The following SEMA3A variants were observed in gnomAD, a reference collection of about 807,000 sequenced individuals.
SEMA3A encodes the protein semaphorin 3A.
A neutral mutation model predicts 97.9 loss-of-function variants in SEMA3A; 29 were observed. That is an observed-to-expected ratio of 0.30 (90% CI 0.22 to 0.40). The LOEUF is 0.40. SEMA3A is among the 10% of genes least tolerant of loss of function. The pLI, the probability that SEMA3A is intolerant of heterozygous loss-of-function variation, is 1.00. For missense variants in SEMA3A, 763 were observed against 951.3 expected, an observed-to-expected ratio of 0.80 and a Z score of 2.60; for synonymous variants, 321 against 323.7, an observed-to-expected ratio of 0.99 and a Z score of 0.09.
chr7:84,155,439 G>A (rs1301126010), intron 1 of SEMA3A, among the ~76,000 whole-genome samples: 2 of 152,116 alleles, frequency 1.3e-5, no homozygotes, highest in Admixed American at 6.5e-5. Context: ...GGGCAGGTAT[G>A]CTTCCTTCTT....
At chr7:84,270,734 A>G (rs2115701519) in intron 3 of SEMA3A, among the ~76,000 whole-genome samples, 1 of 150,786 alleles carries the variant, frequency 6.6e-6, no homozygotes, top group South Asian at 2.1e-4. Flanking sequence ...AGTAAATCTC[A>G]GGAATACATT....
In SEMA3A at chr7:84,446,460, G is replaced by T. The variant is rs907542120; in HGVS notation, c.-246+46000C>A. Among the ~76,000 whole-genome samples the T allele has an allele frequency of 3.9e-5, 6 of 151,922 alleles. No homozygotes were observed. In the East Asian group the frequency reaches 1.2e-3, roughly 29 times the overall value. On this transcript the variant is annotated intron_variant, in intron 1 of 3. Coordinates refer to the SEMA3A transcript ENST00000424555. Reference sequence around the variant, plus strand: ...AACTGAATTCAGCAATATATTAAAAGGATTATACACCACAACTAAGAGGAA... The same window carrying T: ...AACTGAATTCAGCAATATATTAAAATGATTATACACCACAACTAAGAGGAA...
intron 3 of SEMA3A, among the ~76,000 whole-genome samples, chr7:84,302,240 GAGTT>G (rs72269413): frequency 0.078 from 11,797 of 152,068 alleles, 625 homozygotes; most frequent in East Asian, 0.29. Context: ...AAAAAGGAAA[GAGTT>G]AGGAATAATT....
chr7:83,998,580 T>G (rs1790312049), intron 12 of SEMA3A, among the ~76,000 whole-genome samples: 1 of 152,142 alleles, frequency 6.6e-6, no homozygotes, highest in African/African-American at 2.4e-5. Flanking sequence ...CTAATTTTTT[T>G]TAAAGTATTT....
chr7:84,410,121 G>A (rs191528790), intron 1 of SEMA3A, among the ~76,000 whole-genome samples: 1 of 151,882 alleles, frequency 6.6e-6, no homozygotes, highest in African/African-American at 2.4e-5. Context: ...TTTTGTTCCT[G>A]TATAAGAATC....
In SEMA3A at chr7:84,186,196, G is replaced by A. The variant is rs561404194; in HGVS notation, c.112+8279C>T. On this transcript the variant is annotated intron_variant, in intron 1 of 16. Coordinates refer to ENST00000265362, the MANE Select transcript of SEMA3A (RefSeq NM_006080.3). ...CTATCATTCAAGGCCCACCTTCTTT[G>A]GGTCCTAGTTTAAAAAGCCACCCTA... is the stretch of plus-strand genomic sequence containing the variant. 1.4e-4 allele frequency among the ~76,000 whole-genome samples: 22 copies of A among 152,140 alleles called. 2 individuals carry two copies. The South Asian group carries it at 4.4e-3, about 30-fold the overall frequency.
chr7:84,079,162 A>G (rs563746348), intron 4 of SEMA3A, among the ~76,000 whole-genome samples: 73 of 152,220 alleles, frequency 4.8e-4, no homozygotes, highest in African/African-American at 1.7e-3. Flanking sequence ...TTTAACTACA[A>G]TGTTTGATGT....
chr7:84,210,600 A>T (rs1798603399), intron 3 of SEMA3A, among the ~76,000 whole-genome samples: 1 of 152,162 alleles, frequency 6.6e-6, no homozygotes, highest in African/African-American at 2.4e-5. Context: ...CCATGAAAGG[A>T]TTTTAAGGAA....
intron 1 of SEMA3A, among the ~76,000 whole-genome samples, chr7:84,385,993 C>G (rs1294121926): frequency 6.6e-6 from 1 of 152,128 alleles, no homozygotes; most frequent in Non-Finnish European, 1.5e-5. Context: ...AAACCAAAGT[C>G]ACATATTTGT....
At chr7:83,961,868 A>T in intron 16 of SEMA3A, 42 bp from the exon 17 acceptor site, 1 of 1,449,416 alleles carries the variant, frequency 6.9e-7, no homozygotes, top group East Asian at 2.3e-5. Flanking sequence ...ATACATATTT[A>T]AAAGAAATAG....
chr7:84,023,274 A>G (rs1031258929), intron 6 of SEMA3A, among the ~76,000 whole-genome samples: 27 of 152,204 alleles, frequency 1.8e-4, no homozygotes, highest in African/African-American at 6.5e-4. Context: ...TCAGCATTAG[A>G]ATCAGACTGA....
At chr7:84,048,274 CCTTT>C (rs929505747) in intron 5 of SEMA3A, among the ~76,000 whole-genome samples, 6 of 151,870 alleles carry the variant, frequency 4.0e-5, no homozygotes, top group African/African-American at 1.4e-4. Context: ...CTAAAATATG[CCTTT>C]ATTTTTAGAA....
chr7:84,176,459 C>T (rs996919218), intron 1 of SEMA3A, among the ~76,000 whole-genome samples: 4 of 152,078 alleles, frequency 2.6e-5, no homozygotes, highest in Non-Finnish European at 5.9e-5. Context: ...TATTCATTAT[C>T]TTCTAAGATG....
At chr7:84,049,092 TA>T (rs1792482390) in intron 5 of SEMA3A, among the ~76,000 whole-genome samples, 1 of 152,044 alleles carries the variant, frequency 6.6e-6, no homozygotes. Context: ...AGGTATTCAG[TA>T]AAAGAGCTAC....
At chr7:84,190,053 T>C (rs1352826976) in intron 1 of SEMA3A, among the ~76,000 whole-genome samples, 1 of 151,744 alleles carries the variant, frequency 6.6e-6, no homozygotes, top group Non-Finnish European at 1.5e-5. Flanking sequence ...TTTATTTAAG[T>C]TGTTAGTGAC....
chr7:84,422,991 C>T (rs1804642078), intron 1 of SEMA3A, among the ~76,000 whole-genome samples: 1 of 152,002 alleles, frequency 6.6e-6, no homozygotes, highest in Non-Finnish European at 1.5e-5. Context: ...ATCATCCACA[C>T]ATTCATTGAG....
At position 84,051,402 on chromosome 7, in the gene SEMA3A, C is replaced by G. The variant is rs866880417; in HGVS notation, c.548-4959G>C. 1.9e-4 allele frequency among the ~76,000 whole-genome samples: 29 copies of G among 152,184 alleles called. No homozygotes were observed. The South Asian group carries it at 5.6e-3, about 29-fold the overall frequency. On this transcript the variant is annotated intron_variant, in intron 5 of 16. Transcript: ENST00000265362. Reference sequence around the variant, plus strand: ...TTATTTCCTTGAGCAGTGATTTGTACTTCTCCTTAAAGAGGTCCTTCACAT... The same window carrying G: ...TTATTTCCTTGAGCAGTGATTTGTAGTTCTCCTTAAAGAGGTCCTTCACAT...
intron 2 of SEMA3A, among the ~76,000 whole-genome samples, chr7:84,333,035 C>T (rs545581781): frequency 6.6e-6 from 1 of 151,992 alleles, no homozygotes; most frequent in Non-Finnish European, 1.5e-5. Flanking sequence ...GGAGTCAATT[C>T]ATTAGTTATT....
chr7:84,023,642 A>T (rs778719884), intron 6 of SEMA3A, among the ~76,000 whole-genome samples: 6 of 152,214 alleles, frequency 3.9e-5, no homozygotes, highest in Non-Finnish European at 8.8e-5. Context: ...ACCCCACTGC[A>T]GAAAAATGGC....
Sources: allele counts gnomAD v4.1 joint callset (sites outside exome capture counted in the v4.1 genomes callset), GRCh38; gene constraint gnomAD v4.1.1; transcripts MANE v1.5; gene names NCBI Gene and HGNC (gene_info 2026-07-23, HGNC 2026-07-21).